The following DRC11 variants were observed in gnomAD, a reference collection of about 807,000 sequenced individuals.
DRC11 encodes the protein dynein regulatory complex subunit 11.
the DRC11 span, chr2:236,344,612 C>T: frequency 6.2e-7 from 1 of 1,613,740 alleles, no homozygotes; most frequent in Non-Finnish European, 8.5e-7. Flanking sequence ...GTCTTCAATC[C>T]ACACCACGGA....
the DRC11 span, chr2:236,344,641 C>T: frequency 6.2e-7 from 1 of 1,613,048 alleles, no homozygotes; most frequent in Admixed American, 1.7e-5. Flanking sequence ...GCTGTCGAGC[C>T]ACCTGCAGAG....
the DRC11 span, among the ~76,000 whole-genome samples, chr2:236,475,149 C>T: frequency 6.6e-6 from 1 of 152,154 alleles, no homozygotes; most frequent in Non-Finnish European, 1.5e-5. The surrounding 1 kb of genome is among the most constrained non-coding windows in gnomAD (Gnocchi z 4.8). Flanking sequence ...CCCTTCCAGT[C>T]CTCTGGTAAC....
the DRC11 span, among the ~76,000 whole-genome samples, chr2:236,360,076 AGAGT>A: frequency 3.2e-3 from 484 of 152,342 alleles, 2 homozygotes; most frequent in Non-Finnish European, 5.0e-3. The surrounding 1 kb of genome is among the most constrained non-coding windows in gnomAD (Gnocchi z 5.8). Context: ...AGACTTTCCT[AGAGT>A]GAGAACAGAA....
chr2:236,318,726 TGTGC>T, the DRC11 span, among the ~76,000 whole-genome samples: 2 of 152,120 alleles, frequency 1.3e-5, no homozygotes, highest in Non-Finnish European at 2.9e-5. The surrounding 1 kb of genome is among the most constrained non-coding windows in gnomAD (Gnocchi z 7.0). Flanking sequence ...GCCCTGTGTG[TGTGC>T]ATGCATGTGT....
the DRC11 span, among the ~76,000 whole-genome samples, chr2:236,428,337 A>G: frequency 1.3e-5 from 2 of 152,162 alleles, no homozygotes; most frequent in African/African-American, 4.8e-5. Flanking sequence ...AAGGTACTGA[A>G]ATTCCCTACT....
the DRC11 span, among the ~76,000 whole-genome samples, chr2:236,382,483 T>C: frequency 1.3e-5 from 2 of 152,222 alleles, no homozygotes; most frequent in Non-Finnish European, 2.9e-5. Context: ...GTCTACAAAT[T>C]ATATTTCTGG....
At chr2:236,409,502 T>C in the DRC11 span, among the ~76,000 whole-genome samples, 1 of 152,134 alleles carries the variant, frequency 6.6e-6, no homozygotes, top group African/African-American at 2.4e-5. Context: ...CTTAAAGAGA[T>C]TTTGGGCTGA....
the DRC11 span, among the ~76,000 whole-genome samples, chr2:236,352,134 C>T: frequency 5.3e-5 from 8 of 152,002 alleles, no homozygotes; most frequent in South Asian, 1.7e-3. This position sits in a 1 kb window ranked among gnomAD's most constrained non-coding sequence, Gnocchi z 7.0. Flanking sequence ...GGGCAGCAGC[C>T]GTGGATAGAA....
At chr2:236,363,126 A>G in the DRC11 span, among the ~76,000 whole-genome samples, 5 of 152,232 alleles carry the variant, frequency 3.3e-5, no homozygotes, top group African/African-American at 1.2e-4. The surrounding 1 kb of genome is among the most constrained non-coding windows in gnomAD (Gnocchi z 5.6). Flanking sequence ...AATGAATAGC[A>G]TAAGGCTAAC....
chr2:236,493,901 A>G, the DRC11 span: 1 of 1,578,310 alleles, frequency 6.3e-7, no homozygotes, highest in Non-Finnish European at 8.6e-7. Context: ...GAGAAGAGAA[A>G]GAATAAAAAA....
the DRC11 span, among the ~76,000 whole-genome samples, chr2:236,387,874 C>G: frequency 6.6e-6 from 1 of 152,032 alleles, no homozygotes; most frequent in Non-Finnish European, 1.5e-5. Context: ...ACAAAATCTG[C>G]AGCATTTGCT....
At chr2:236,486,480 G>GAA in the DRC11 span, among the ~76,000 whole-genome samples, 89 of 142,402 alleles carry the variant, frequency 6.2e-4, no homozygotes, top group Middle Eastern at 3.6e-3. The surrounding 1 kb of genome is among the most constrained non-coding windows in gnomAD (Gnocchi z 5.7). Flanking sequence ...ACCAGCACCA[G>GAA]AAAAAAAAAA....
the DRC11 span, chr2:236,440,944 A>C: frequency 1.4e-6 from 1 of 726,316 alleles, no homozygotes; most frequent in Middle Eastern, 3.8e-4. Context: ...GTAGGAAAAT[A>C]ACCAAGACCT....
the DRC11 span, among the ~76,000 whole-genome samples, chr2:236,362,639 G>A: frequency 3.9e-5 from 6 of 152,144 alleles, no homozygotes; most frequent in Admixed American, 2.6e-4. The surrounding 1 kb of genome is among the most constrained non-coding windows in gnomAD (Gnocchi z 5.7). Context: ...AAAGCTATAC[G>A]TGGATTTTCA....
chr2:236,327,448 T>C, the DRC11 span, among the ~76,000 whole-genome samples: 1 of 152,076 alleles, frequency 6.6e-6, no homozygotes, highest in Non-Finnish European at 1.5e-5. Flanking sequence ...TTTTGCCACG[T>C]TGGTCAGGCT....
the DRC11 span, among the ~76,000 whole-genome samples, chr2:236,339,960 G>C: frequency 6.6e-6 from 1 of 152,228 alleles, no homozygotes. Flanking sequence ...CATGGGAATT[G>C]CATTGAATAT....
the DRC11 span, among the ~76,000 whole-genome samples, chr2:236,500,987 C>T: frequency 6.6e-6 from 1 of 152,178 alleles, no homozygotes; most frequent in Non-Finnish European, 1.5e-5. This position sits in a 1 kb window ranked among gnomAD's most constrained non-coding sequence, Gnocchi z 6.3. Context: ...TGTGAGCCAC[C>T]ACGCCCAGCA....
chr2:236,363,175 A>T, the DRC11 span, among the ~76,000 whole-genome samples: 1 of 152,210 alleles, frequency 6.6e-6, no homozygotes, highest in African/African-American at 2.4e-5. This position sits in a 1 kb window ranked among gnomAD's most constrained non-coding sequence, Gnocchi z 5.6. Flanking sequence ...AATTTTGTAA[A>T]GCCTTGATAC....
chr2:236,497,180 C>T, the DRC11 span: 1 of 1,609,758 alleles, frequency 6.2e-7, no homozygotes, highest in Non-Finnish European at 8.5e-7. This position sits in a 1 kb window ranked among gnomAD's most constrained non-coding sequence, Gnocchi z 5.1. Flanking sequence ...AGCTTGAGAT[C>T]CTGCAGGATA....
Sources: allele counts gnomAD v4.1 joint callset (sites outside exome capture counted in the v4.1 genomes callset), GRCh38; gene constraint gnomAD v4.1.1; non-coding constraint Gnocchi (gnomAD v3.1); transcripts MANE v1.5; gene names NCBI Gene and HGNC (gene_info 2026-07-23, HGNC 2026-07-21).